Variants in PCDH15 observed in about 807,000 individuals in gnomAD.
PCDH15 encodes protocadherin related 15, also known as protocadherin-15.
In PCDH15, 129 loss-of-function variants were observed where a neutral mutation model predicts 178.5. That is an observed-to-expected ratio of 0.72 (90% confidence interval 0.63 to 0.84). The LOEUF (loss-of-function observed/expected upper bound fraction) is 0.84, where lower values mean the gene tolerates loss of function less well. Among genes scored for constraint, PCDH15 ranks in the 40% least tolerant of loss-of-function variants. The pLI, the probability that PCDH15 is intolerant of heterozygous loss-of-function variation, is 0.00. For synonymous variants in PCDH15, 800 were observed against 732.0 expected (o/e 1.09, Z -1.50); for missense variants, 2,230 against 2,099.9 (o/e 1.06, Z -1.21).
intron 2 of PCDH15, among the ~76,000 whole-genome samples, chr10:55,430,993 C>G (rs1415698741): frequency 1.3e-5 from 2 of 152,106 alleles, no homozygotes; most frequent in African/African-American, 4.8e-5. Flanking sequence ...GCATCACTGG[C>G]TGGAATTTAT....
chr10:54,735,650 A>C (rs1402589138), intron 1 of PCDH15, among the ~76,000 whole-genome samples: 3 of 129,534 alleles, frequency 2.3e-5, no homozygotes, highest in Non-Finnish European at 3.3e-5. Context: ...GATTAAGAAA[A>C]TGTGGCACAT....
intron 1 of PCDH15, among the ~76,000 whole-genome samples, chr10:54,746,054 A>G (rs533268348): frequency 6.6e-6 from 1 of 152,072 alleles, no homozygotes; most frequent in Non-Finnish European, 1.5e-5. Context: ...CCACCTATTA[A>G]TTTGTTAGGT....
At chr10:54,405,709 A>AAC (rs558572886) in intron 3 of PCDH15, among the ~76,000 whole-genome samples, 1 of 151,810 alleles carries the variant, frequency 6.6e-6, no homozygotes, top group African/African-American at 2.4e-5. Flanking sequence ...AAAAAAAAAA[A>AAC]CTAAAAATTA....
intron 3 of PCDH15, among the ~76,000 whole-genome samples, chr10:54,822,728 C>T (rs1275834086): frequency 1.3e-5 from 2 of 151,980 alleles, no homozygotes; most frequent in Admixed American, 6.6e-5. Context: ...TCCATAGCAG[C>T]AGTACTACTT....
At chr10:54,291,883 A>T (rs1436523653) in intron 8 of PCDH15, among the ~76,000 whole-genome samples, 1 of 152,184 alleles carries the variant, frequency 6.6e-6, no homozygotes, top group East Asian at 1.9e-4. Context: ...GCCTAATTAT[A>T]CCAGAGGTAC....
In PCDH15 at chr10:54,353,479, C is replaced by T. The variant is rs1565053951; in HGVS notation, c.475-6995G>A. ...TGAACCCATGTAATGAACACCTACA[C>T]AAAAAATATAATATTTTTATCACAC... On this transcript the variant is annotated intron_variant, in intron 5 of 37. Transcript: ENST00000644397. Among the ~76,000 whole-genome samples, 5 of 152,192 alleles carry T rather than the reference C, an allele frequency of 3.3e-5. No individual in the cohort carries two copies. The East Asian group carries it at 9.7e-4, about 29-fold the overall frequency.
intron 2 of PCDH15, among the ~76,000 whole-genome samples, chr10:55,431,280 T>G (rs1025603356): frequency 5.3e-5 from 8 of 152,210 alleles, no homozygotes; most frequent in Non-Finnish European, 1.0e-4. Context: ...TGAAATCTTC[T>G]CACTGTTGCC....
chr10:55,347,614 T>C (rs1253376943), intron 2 of PCDH15, among the ~76,000 whole-genome samples: 1 of 152,198 alleles, frequency 6.6e-6, no homozygotes, highest in Admixed American at 6.5e-5. Context: ...TTAATTACCC[T>C]AGGGCATTGA....
intron 2 of PCDH15, among the ~76,000 whole-genome samples, chr10:54,535,018 T>A (rs945976568): frequency 6.6e-5 from 10 of 152,062 alleles, no homozygotes; most frequent in African/African-American, 2.4e-4. Flanking sequence ...ATAAACTGAG[T>A]AAATTTAAGG....
In PCDH15 at chr10:53,826,949, A is replaced by AAAT. The variant is rs2076719773; in HGVS notation, c.4367+441_4367+443dup. Among the ~76,000 whole-genome samples, 12 of 152,202 alleles carry AAAT rather than the reference A, an allele frequency of 7.9e-5. No homozygotes were observed. The South Asian group carries it at 2.5e-3, about 32-fold the overall frequency. ...ACCAGAGAATTTGGTTTTGATTACC[A>AAAT]AATAGGGATCGGTTTGGATACCTAA... On this transcript the variant is annotated intron_variant, in intron 32 of 37. Transcript: ENST00000644397.
intron 7 of PCDH15, among the ~76,000 whole-genome samples, chr10:54,325,160 A>T: frequency 6.6e-6 from 1 of 152,074 alleles, no homozygotes. Flanking sequence ...GTCAGTCAAA[A>T]CTCAATTACC....
At chr10:55,084,329 C>A (rs1591889997) in intron 2 of PCDH15, among the ~76,000 whole-genome samples, 1 of 151,722 alleles carries the variant, frequency 6.6e-6, no homozygotes, top group African/African-American at 2.4e-5. Context: ...GGGGAGAGAA[C>A]AGTCTCTTCA....
intron 2 of PCDH15, among the ~76,000 whole-genome samples, chr10:54,976,350 A>G: frequency 6.6e-6 from 1 of 152,144 alleles, no homozygotes; most frequent in East Asian, 1.9e-4. Flanking sequence ...TGTAGTTAAA[A>G]AAGAGTTTAA....
At chr10:54,452,811 G>C (rs990241937) in intron 3 of PCDH15, among the ~76,000 whole-genome samples, 3 of 152,068 alleles carry the variant, frequency 2.0e-5, no homozygotes, top group African/African-American at 7.2e-5. Flanking sequence ...CTGGAGAGTA[G>C]AACTAGATTT....
intron 2 of PCDH15, among the ~76,000 whole-genome samples, chr10:55,120,677 A>T (rs1043878463): frequency 6.6e-6 from 1 of 152,178 alleles, no homozygotes; most frequent in South Asian, 2.1e-4. Flanking sequence ...TAAATAAAAT[A>T]ATAATCTCAT....
intron 3 of PCDH15, among the ~76,000 whole-genome samples, chr10:54,873,508 T>G (rs1029569549): frequency 6.8e-6 from 1 of 147,894 alleles, no homozygotes; most frequent in Non-Finnish European, 1.5e-5. Flanking sequence ...TGTATGTATA[T>G]ATATAATGTA....
intron 26 of PCDH15, among the ~76,000 whole-genome samples, chr10:53,896,210 A>T (rs1285873279): frequency 2.0e-5 from 3 of 152,152 alleles, no homozygotes; most frequent in Non-Finnish European, 4.4e-5. Context: ...AACCACAGTT[A>T]TTATTATGAA....
At chr10:55,027,356 G>A (rs1225548457) in intron 2 of PCDH15, among the ~76,000 whole-genome samples, 2 of 151,708 alleles carry the variant, frequency 1.3e-5, no homozygotes, top group Non-Finnish European at 3.0e-5. Context: ...AAGTCACACT[G>A]TCTAGATTTA....
chr10:55,246,577 AC>A (rs1180861730), intron 1 of PCDH15, among the ~76,000 whole-genome samples: 1 of 152,198 alleles, frequency 6.6e-6, no homozygotes, highest in Non-Finnish European at 1.5e-5. Context: ...AATTTAGGAA[AC>A]TTTTGTTTCT....
Sources: gnomAD v4.1 joint callset for allele counts (sites outside exome capture counted in the v4.1 genomes callset) on GRCh38, gnomAD v4.1.1 for gene constraint, MANE v1.5 for transcripts, NCBI Gene and HGNC (gene_info 2026-07-23, HGNC 2026-07-21) for gene names.